The following CSMD1 variants were observed in gnomAD, a reference collection of about 807,000 sequenced individuals.
CSMD1 encodes the protein CUB and sushi domain-containing protein 1.
In CSMD1, 213 loss-of-function variants were observed where a neutral mutation model predicts 417.5. The observed-to-expected ratio is 0.51, with a 90% confidence interval of 0.46 to 0.57. CSMD1 has a LOEUF of 0.57. CSMD1 is among the 20% of genes least tolerant of loss of function. The pLI, the probability that CSMD1 is intolerant of heterozygous loss-of-function variation, is 0.00. For missense variants in CSMD1, 6,923 were observed against 4,529.7 expected, an observed-to-expected ratio of 1.53 and a Z score of -15.17; for synonymous variants, 2,862 against 1,736.8, an observed-to-expected ratio of 1.65 and a Z score of -16.11.
intron 3 of CSMD1, among the ~76,000 whole-genome samples, chr8:4,372,634 A>T (rs1383049156): frequency 5.4e-5 from 1 of 18,518 alleles, no homozygotes; most frequent in South Asian, 1.3e-3. Context: ...GAAGTGTTAA[A>T]AAAAAAAAAA....
chr8:4,609,299 G>A (rs1801045012), intron 2 of CSMD1, among the ~76,000 whole-genome samples: 1 of 152,162 alleles, frequency 6.6e-6, no homozygotes, highest in Non-Finnish European at 1.5e-5. Context: ...TACTCAGGAG[G>A]CTGAGGTGGG....
intron 50 of CSMD1, among the ~76,000 whole-genome samples, chr8:3,035,003 A>C (rs1190886877): frequency 6.6e-6 from 1 of 152,204 alleles, no homozygotes; most frequent in African/African-American, 2.4e-5. Flanking sequence ...CCTAACACTC[A>C]AAGGCAGTTG....
Position 3,308,581 on chromosome 8 carries a change from G to C in CSMD1, c.3632-78C>G, listed in dbSNP as rs551077531. ...TTAAAACAGAGATGAAACAAACAAG[G>C]TTGCTAAATGCTCCTTGAAGGGTAG... On this transcript the variant is annotated intron_variant, in intron 23 of 69. Coordinates refer to ENST00000635120, the MANE Select transcript of CSMD1 (RefSeq NM_033225.6). 8.5e-6 allele frequency: 10 copies of C among 1,180,722 alleles called. No homozygotes were observed. In the Admixed American group the frequency reaches 2.2e-4, roughly 26 times the overall value. The allele number at this position is 1,180,722 out of a possible 1,614,324, so 73.1% of individuals were successfully genotyped here.
Position 3,367,167 on chromosome 8 carries a change from C to T in CSMD1, c.2980G>A (p.Glu994Lys), listed in dbSNP as rs370552310. ...GACCCGGTGAGCCTGGCAACGGGCT[C>T]GGAAAAACTTCCATCCTCTGTGATC... The part of the protein sequence containing the change: ...LLITEDGSFS[E>K]PVARLTGSVL... Residue 994 changes from glutamate (E) to lysine (K), a missense_variant, in exon 20 of 70, where the codon GAG becomes AAG. Coordinates refer to ENST00000635120, the MANE Select transcript of CSMD1 (RefSeq NM_033225.6). The T allele has an allele frequency of 4.3e-6, 7 of 1,613,392 alleles. No homozygotes were observed. The highest frequency in any genetic ancestry group is 5.1e-6 in the Non-Finnish European group (6 of 1,179,736).
At chr8:3,583,352 T>C (rs970210797) in intron 9 of CSMD1, among the ~76,000 whole-genome samples, 3 of 151,732 alleles carry the variant, frequency 2.0e-5, no homozygotes, top group African/African-American at 7.3e-5. Context: ...TTGGGGAGTG[T>C]CATAGAGAAG....
intron 5 of CSMD1, among the ~76,000 whole-genome samples, chr8:3,989,726 T>G (rs915094083): frequency 2.6e-5 from 4 of 152,352 alleles, no homozygotes; most frequent in Non-Finnish European, 5.9e-5. Context: ...TACTTGTATT[T>G]ACTAAAGTCA....
At chr8:3,992,554 C>A (rs1337069710) in intron 5 of CSMD1, among the ~76,000 whole-genome samples, 1 of 152,146 alleles carries the variant, frequency 6.6e-6, no homozygotes, top group African/African-American at 2.4e-5. Context: ...GAGGCTGAGC[C>A]AGCAGAATTC....
chr8:3,255,114 C>G (rs6995457), intron 26 of CSMD1, among the ~76,000 whole-genome samples: 9 of 152,032 alleles, frequency 5.9e-5, no homozygotes, highest in Non-Finnish European at 8.8e-5. Context: ...CTGCCGGTCT[C>G]TTGGAGTTTG....
chr8:3,087,761 G>C (rs894228840), intron 48 of CSMD1, among the ~76,000 whole-genome samples: 1 of 152,232 alleles, frequency 6.6e-6, no homozygotes, highest in Non-Finnish European at 1.5e-5. Context: ...GGTTGACTTG[G>C]TCTAGAGGGA....
At chr8:4,428,816 T>C (rs1026257418) in intron 2 of CSMD1, among the ~76,000 whole-genome samples, 7 of 152,108 alleles carry the variant, frequency 4.6e-5, no homozygotes, top group African/African-American at 1.7e-4. Context: ...ACCTCCCAGG[T>C]TGAAGGATTC....
At chr8:3,857,395 G>C (rs1402705472) in intron 5 of CSMD1, among the ~76,000 whole-genome samples, 1 of 152,112 alleles carries the variant, frequency 6.6e-6, no homozygotes, top group Non-Finnish European at 1.5e-5. Context: ...GCCTATATTT[G>C]GAATAACAAG....
At chr8:4,729,017 T>C (rs1303709358) in intron 1 of CSMD1, among the ~76,000 whole-genome samples, 1 of 152,150 alleles carries the variant, frequency 6.6e-6, no homozygotes, top group Non-Finnish European at 1.5e-5. Flanking sequence ...TAGAAGGCGT[T>C]AGTATACAGA....
At chr8:4,350,545 A>T (rs927000200) in intron 3 of CSMD1, among the ~76,000 whole-genome samples, 1 of 152,170 alleles carries the variant, frequency 6.6e-6, no homozygotes, top group Non-Finnish European at 1.5e-5. Context: ...AATGGAGGCT[A>T]ATGTCCTGAT....
At chr8:3,604,398 T>A (rs1801505469) in intron 8 of CSMD1, among the ~76,000 whole-genome samples, 1 of 152,102 alleles carries the variant, frequency 6.6e-6, no homozygotes, top group South Asian at 2.1e-4. Context: ...ATCTGGATTT[T>A]CTCTGGTCAG....
At chr8:4,489,752 G>C (rs1033365958) in intron 2 of CSMD1, among the ~76,000 whole-genome samples, 3 of 152,198 alleles carry the variant, frequency 2.0e-5, no homozygotes, top group African/African-American at 7.2e-5. Context: ...AGCTGCCGCG[G>C]TGTGAGATGT....
At chr8:3,068,815 A>T (rs1813128425) in intron 49 of CSMD1, among the ~76,000 whole-genome samples, 1 of 152,112 alleles carries the variant, frequency 6.6e-6, no homozygotes, top group African/African-American at 2.4e-5. Context: ...AACATCTCCC[A>T]CCAGACATTA....
intron 1 of CSMD1, among the ~76,000 whole-genome samples, chr8:4,713,541 A>G (rs1808448967): frequency 6.6e-6 from 1 of 152,166 alleles, no homozygotes; most frequent in African/African-American, 2.4e-5. Flanking sequence ...AGCTGGGACT[A>G]CAGGCGGCTG....
chr8:4,289,577 T>A (rs1797246774), intron 3 of CSMD1, among the ~76,000 whole-genome samples: 1 of 152,166 alleles, frequency 6.6e-6, no homozygotes, highest in Non-Finnish European at 1.5e-5. Context: ...CATCACATTT[T>A]GTCCAGGTCT....
chr8:3,723,183 C>T (rs575711793), intron 6 of CSMD1, among the ~76,000 whole-genome samples: 11 of 152,232 alleles, frequency 7.2e-5, no homozygotes, highest in South Asian at 2.1e-4. Flanking sequence ...AGGGGCCACT[C>T]GGGGCACTCA....
Sources: allele counts gnomAD v4.1 joint callset (sites outside exome capture counted in the v4.1 genomes callset), GRCh38; gene constraint gnomAD v4.1.1; transcripts MANE v1.5; gene names NCBI Gene and HGNC (gene_info 2026-07-23, HGNC 2026-07-21).